GRIN2A: variants seen among roughly 807,000 people sequenced by gnomAD.
The protein encoded by GRIN2A is glutamate receptor ionotropic, NMDA 2A.
GRIN2A carries 22 observed loss-of-function variants against 113.4 expected under a neutral mutation model. The ratio of observed to expected loss-of-function variants is 0.19; its 90% confidence interval spans 0.14 to 0.28. The LOEUF is 0.28. Ranked by LOEUF, GRIN2A falls within the 10% of genes least tolerant of loss-of-function variation. GRIN2A has a pLI of 1.00. For missense variants in GRIN2A, 1,502 were observed against 1,887.0 expected (o/e 0.80, Z 3.78); for synonymous variants, 827 against 738.4 (o/e 1.12, Z -1.94).
At chr16:9,789,651 C>G (rs1902482479) in intron 11 of GRIN2A, among the ~76,000 whole-genome samples, 1 of 152,014 alleles carries the variant, frequency 6.6e-6, no homozygotes, top group Non-Finnish European at 1.5e-5. Context: ...ACTGCAGCAG[C>G]AAGTTTAGCA....
chr16:9,861,582 C>T (rs1018053805), intron 4 of GRIN2A, among the ~76,000 whole-genome samples: 1 of 152,196 alleles, frequency 6.6e-6, no homozygotes. Flanking sequence ...TGAGCCACTG[C>T]TGTGGCTTGA....
intron 2 of GRIN2A, 34 bp downstream of exon 2, chr16:10,179,964 C>T (rs2142386955): frequency 6.2e-7 from 1 of 1,600,088 alleles, no homozygotes; most frequent in Non-Finnish European, 8.6e-7. Context: ...GGTGGCTTCC[C>T]AGGTCCTGGC....
intron 2 of GRIN2A, among the ~76,000 whole-genome samples, chr16:10,089,311 T>G (rs959336053): frequency 6.6e-6 from 1 of 152,220 alleles, no homozygotes; most frequent in East Asian, 1.9e-4. Flanking sequence ...ATTTTGGTGA[T>G]GGTATCACAG....
rs1567274965 is a variant in GRIN2A, at chr16:9,763,231, ATAT to A, written c.4310_4312del (p.Asn1437del). On this transcript the variant is annotated inframe_deletion, in exon 13 of 13. Transcript: ENST00000330684. ...ATTTAAAACCCTGGGGGTAGAGTAC[ATAT>A]TATTCTTATTTGCAGCATAAGGCAT... is the stretch of plus-strand genomic sequence containing the variant. 5 of 1,614,070 alleles carry A rather than the reference ATAT, an allele frequency of 3.1e-6. No individual in the cohort carries two copies. The highest frequency in any genetic ancestry group is 2.2e-5 in the East Asian group (1 of 44,866).
chr16:10,108,974 A>G (rs1186386247), intron 2 of GRIN2A, among the ~76,000 whole-genome samples: 3 of 151,648 alleles, frequency 2.0e-5, no homozygotes, highest in African/African-American at 7.3e-5. Flanking sequence ...TAATTAAGAA[A>G]TAACAGAGAA....
chr16:9,990,559 GCGCGCA>G (rs1470683803), intron 2 of GRIN2A, among the ~76,000 whole-genome samples: 155 of 94,632 alleles, frequency 1.6e-3, no homozygotes, highest in African/African-American at 3.6e-3. Context: ...GCGCGCGCGC[GCGCGCA>G]CACACACACA....
chr16:10,100,462 T>G (rs1864325688), intron 2 of GRIN2A, among the ~76,000 whole-genome samples: 1 of 152,160 alleles, frequency 6.6e-6, no homozygotes, highest in African/African-American at 2.4e-5. Flanking sequence ...TTGGTCAAGT[T>G]ACTTCTTTCT....
intron 3 of GRIN2A, among the ~76,000 whole-genome samples, chr16:9,926,739 A>G (rs2044474206): frequency 6.6e-6 from 1 of 152,202 alleles, no homozygotes; most frequent in African/African-American, 2.4e-5. Context: ...GGTGGGGACT[A>G]AGGTGTACTG....
chr16:10,039,798 G>T (rs1253732006), intron 2 of GRIN2A, among the ~76,000 whole-genome samples: 1 of 66,576 alleles, frequency 1.5e-5, no homozygotes, highest in Non-Finnish European at 2.9e-5. Flanking sequence ...GAGGGGGAGG[G>T]GGAGGGGGGG....
intron 2 of GRIN2A, among the ~76,000 whole-genome samples, chr16:9,953,128 G>T (rs1467965107): frequency 2.6e-5 from 4 of 152,188 alleles, no homozygotes; most frequent in Non-Finnish European, 1.5e-5. Flanking sequence ...CTCCAGAAAA[G>T]AGAGAAAGAT....
chr16:9,911,019 T>G (rs949763112), intron 3 of GRIN2A, among the ~76,000 whole-genome samples: 8 of 145,336 alleles, frequency 5.5e-5, no homozygotes, highest in Admixed American at 4.8e-4. Flanking sequence ...TTACTTTAAC[T>G]AAAAAAAAAA....
At chr16:10,054,489 T>A (rs2047411986) in intron 2 of GRIN2A, among the ~76,000 whole-genome samples, 1 of 152,198 alleles carries the variant, frequency 6.6e-6, no homozygotes, top group African/African-American at 2.4e-5. Context: ...AAATTGGCAA[T>A]CTCTGGTGAT....
chr16:10,098,703 AG>A (rs1170505608), intron 2 of GRIN2A, among the ~76,000 whole-genome samples: 1 of 152,232 alleles, frequency 6.6e-6, no homozygotes, highest in African/African-American at 2.4e-5. Flanking sequence ...AAAGTAACTC[AG>A]GAATGGAGAA....
At chr16:9,974,148 G>T (rs2045729734) in intron 2 of GRIN2A, among the ~76,000 whole-genome samples, 1 of 152,182 alleles carries the variant, frequency 6.6e-6, no homozygotes, top group African/African-American at 2.4e-5. Flanking sequence ...ACAGGATGGT[G>T]AGGGTGGAAG....
In GRIN2A at chr16:9,761,484, C is replaced by T. The variant is rs1400494559; in HGVS notation, c.*1665G>A. ...CACTGATGGCTAGTTATCCCAAATA[C>T]TTCAAAAATATTCATGTACATGAAA... On this transcript the variant is annotated 3_prime_UTR_variant, in exon 13 of 13. Transcript: ENST00000330684. 1 of 230,474 alleles carries T rather than the reference C, an allele frequency of 4.3e-6. No individual in the cohort carries two copies. The highest frequency in any genetic ancestry group is 8.6e-6 in the Non-Finnish European group (1 of 116,394). 14.3% of individuals were successfully genotyped at this position (230,474 alleles called of 1,614,324 possible).
intron 2 of GRIN2A, among the ~76,000 whole-genome samples, chr16:10,060,358 A>G (rs752889042): frequency 2.4e-4 from 36 of 152,140 alleles, no homozygotes; most frequent in Non-Finnish European, 5.0e-4. Flanking sequence ...TGTCCCACAC[A>G]TTATCTGTTT....
At chr16:9,872,845 C>A (rs775666629) in intron 4 of GRIN2A, among the ~76,000 whole-genome samples, 7 of 151,646 alleles carry the variant, frequency 4.6e-5, no homozygotes, top group African/African-American at 7.3e-5. Flanking sequence ...GCCTGAGTAA[C>A]ATGGCGAAAC....
intron 3 of GRIN2A, among the ~76,000 whole-genome samples, chr16:9,903,185 G>A (rs2043966848): frequency 2.6e-5 from 4 of 151,988 alleles, no homozygotes; most frequent in Admixed American, 2.0e-4. Flanking sequence ...TAGCCAGGAT[G>A]GTCTCAATCT....
intron 2 of GRIN2A, among the ~76,000 whole-genome samples, chr16:10,025,456 C>A (rs2046802752): frequency 6.6e-6 from 1 of 151,942 alleles, no homozygotes; most frequent in Admixed American, 6.6e-5. Flanking sequence ...CCTATGCCAC[C>A]ACATCTGACT....
Sources: allele counts gnomAD v4.1 joint callset (sites outside exome capture counted in the v4.1 genomes callset), GRCh38; gene constraint gnomAD v4.1.1; transcripts MANE v1.5; gene names NCBI Gene and HGNC (gene_info 2026-07-23, HGNC 2026-07-21).